Variants in ADD1 observed in about 807,000 individuals in gnomAD.
ADD1 encodes the protein adducin 1.
Under a neutral mutation model 80.5 loss-of-function variants are expected in ADD1, and 24 were observed. The observed-to-expected ratio is 0.30, with a 90% CI of 0.22 to 0.42. The LOEUF is 0.42. Ranked by LOEUF, ADD1 falls within the 10% of genes least tolerant of loss-of-function variation. The probability of loss-of-function intolerance (pLI) is 1.00; values close to 1 mark genes in which losing one functional copy is unlikely to be tolerated. For missense variants in ADD1, 948 were observed against 1,019.0 expected, an observed-to-expected ratio of 0.93 and a Z score of 0.95; for synonymous variants, 373 against 393.8, an observed-to-expected ratio of 0.95 and a Z score of 0.63.
chr4:2,877,063 C>T (rs542669709), intron 2 of ADD1, among the ~76,000 whole-genome samples: 1 of 151,952 alleles, frequency 6.6e-6, no homozygotes, highest in Admixed American at 6.6e-5. Context: ...TTAACAGTAC[C>T]TGCTAATTGA....
chr4:2,848,332 A>AG (rs1289862722), intron 1 of ADD1, among the ~76,000 whole-genome samples: 1 of 152,164 alleles, frequency 6.6e-6, no homozygotes, highest in Non-Finnish European at 1.5e-5. Context: ...TAAAGGAATG[A>AG]GGGGAAGCAC....
Position 2,843,960 on chromosome 4 carries a change from G to A in ADD1, c.-85G>A. The A allele has an allele frequency of 6.5e-6, 1 of 153,360 alleles. No individual in the cohort carries two copies. The highest frequency in any genetic ancestry group is 1.8e-4 in the South Asian group (1 of 5,578). The allele number at this position is 153,360 out of a possible 1,614,324, so 9.5% of individuals were successfully genotyped here. A position where few individuals can be genotyped will look rare whatever the true frequency, so the allele number is the denominator to read the frequency against. ...GGACGGGGGCGGAGCCGGAGCCGGA[G>A]CCGACGGGCGGTGGCCGCACTGGGA... is the stretch of plus-strand genomic sequence containing the variant. On this transcript the variant is annotated 5_prime_UTR_variant, in exon 1 of 16. Coordinates refer to ENST00000683351, the MANE Select transcript of ADD1 (RefSeq NM_001354761.2).
chr4:2,915,103 TGTG>T, intron 14 of ADD1, 63 bp downstream of exon 14: 1 of 1,519,224 alleles, frequency 6.6e-7, no homozygotes, highest in South Asian at 1.3e-5. Flanking sequence ...GGAGCTTCTT[TGTG>T]GTCCAGGTGC....
intron 14 of ADD1, among the ~76,000 whole-genome samples, chr4:2,921,790 G>C (rs1740092901): frequency 6.6e-6 from 1 of 151,986 alleles, no homozygotes; most frequent in South Asian, 2.1e-4. Context: ...TGTAGCTTTG[G>C]TCTTTTCACA....
At chr4:2,928,101 C>A in intron 15 of ADD1, 70 bp from the exon 16 acceptor site, 1 of 1,377,976 alleles carries the variant, frequency 7.3e-7, no homozygotes, top group Non-Finnish European at 1.0e-6. Context: ...GTGTGGGGCT[C>A]CCCCATCTCA....
At chr4:2,874,627 A>G (rs1730979022) in intron 1 of ADD1, among the ~76,000 whole-genome samples, 1 of 151,864 alleles carries the variant, frequency 6.6e-6, no homozygotes, top group Admixed American at 6.6e-5. Context: ...AAAGAAAGAA[A>G]TACTGCCACT....
chr4:2,928,352 A>G lies in ADD1; in HGVS notation c.2229A>G (p.Pro743=). ...CCCCTACTGAGGCCAGCCCCGAGCC[A>G]GCCCCAGACCCAGCCCCGGTGGCTG... is the stretch of plus-strand genomic sequence containing the variant. ...TEAPTEASPE[P]APDPAPVAEE... Residue 743 remains proline (P), a synonymous_variant, in exon 16 of 16, where the codon CCA becomes CCG. Coordinates refer to ENST00000683351, the MANE Select transcript of ADD1 (RefSeq NM_001354761.2). The G allele has an allele frequency of 6.2e-7, 1 of 1,613,686 alleles. No homozygotes were observed. The highest frequency in any genetic ancestry group is 1.1e-5 in the South Asian group (1 of 91,060).
chr4:2,849,939 G>T (rs1726811327), intron 1 of ADD1, among the ~76,000 whole-genome samples: 1 of 152,224 alleles, frequency 6.6e-6, no homozygotes. Flanking sequence ...ACATGAAAGA[G>T]AGAATGTTGT....
chr4:2,917,720 C>T (rs776614983), intron 14 of ADD1, among the ~76,000 whole-genome samples: 1 of 152,134 alleles, frequency 6.6e-6, no homozygotes, highest in Non-Finnish European at 1.5e-5. Context: ...GGAAGGGGTC[C>T]AGTTTCAGTT....
chr4:2,900,024 C>G (rs761320449), intron 9 of ADD1: 1 of 154,864 alleles, frequency 6.5e-6, no homozygotes. Flanking sequence ...ACAGGGTTGC[C>G]GTGAAGAATT....
intron 10 of ADD1, among the ~76,000 whole-genome samples, chr4:2,906,018 C>T (rs1308532380): frequency 6.6e-6 from 1 of 152,222 alleles, no homozygotes; most frequent in African/African-American, 2.4e-5. Context: ...ATGACTAGTT[C>T]ATTAGGAGTT....
chr4:2,861,275 A>G lies in ADD1; in HGVS notation c.-20-14621A>G, dbSNP rs142960326. Among the ~76,000 whole-genome samples the G allele has an allele frequency of 4.6e-5, 7 of 152,242 alleles. No homozygotes were observed. The East Asian group carries it at 1.4e-3, about 29-fold the overall frequency. ...TATTGGGGTCAAGAGTGCAGATTTTATTCTAGGGACTGTGGGAAGCCATTG... is the reference window on the plus strand; with the variant it reads ...TATTGGGGTCAAGAGTGCAGATTTTGTTCTAGGGACTGTGGGAAGCCATTG... On this transcript the variant is annotated intron_variant, in intron 1 of 15. Transcript: ENST00000683351.
chr4:2,891,401 C>T (rs1023625917), intron 4 of ADD1, among the ~76,000 whole-genome samples: 4 of 151,712 alleles, frequency 2.6e-5, no homozygotes, highest in Admixed American at 2.0e-4. Flanking sequence ...GAGCTGAGAT[C>T]GTGCCCCTGC....
At position 2,928,400 on chromosome 4, in the gene ADD1, C is replaced by G. The variant is rs200759802; in HGVS notation, c.2277C>G (p.Val759=). The G allele has an allele frequency of 6.2e-7, 1 of 1,613,080 alleles. No individual in the cohort carries two copies. The highest frequency in any genetic ancestry group is 8.5e-7 in the Non-Finnish European group (1 of 1,179,904). The change falls in exon 16 of 16, where the codon GTC becomes GTG. Residue 759 remains valine, a synonymous_variant. Transcript: ENST00000683351. The stretch of plus-strand genomic sequence containing the variant: ...CTGAAGAGGCTGCCCCCTCAGCTGT[C>G]GAGGAGGGGGCCGCCGCGGACCCTG... ...PVAEEAAPSA[V]EEGAAADPGS... is the part of the protein sequence containing the mutation.
intron 2 of ADD1, 154 bp from the exon 3 acceptor site, chr4:2,881,744 A>G: frequency 2.0e-6 from 1 of 494,730 alleles, no homozygotes; most frequent in Non-Finnish European, 3.5e-6. Flanking sequence ...AGAATGTACC[A>G]GTTTATATTC....
rs548056214 is a variant in ADD1, at chr4:2,852,128, A to G, written c.-21+8104A>G. Among the ~76,000 whole-genome samples, 164 of 140,534 alleles carry G rather than the reference A, an allele frequency of 1.2e-3. 1 individual carries two copies. Among genetic ancestry groups the G allele is most frequent in the Admixed American group, 3.8e-3 (54 of 14,302 alleles). 92.2% of individuals were successfully genotyped at this position (140,534 alleles called of 152,430 possible). ...TGGGATTACAGGCATGAGCCACAGC[A>G]CCCGGCCTCTTTTCTTTCTTTCTTT... On this transcript the variant is annotated intron_variant, in intron 1 of 15. Transcript: ENST00000683351.
chr4:2,910,520 T>C (rs955563949), intron 13 of ADD1, among the ~76,000 whole-genome samples: 1 of 152,226 alleles, frequency 6.6e-6, no homozygotes, highest in Non-Finnish European at 1.5e-5. Context: ...TTTTCATCTT[T>C]TGGCACTTTG....
intron 10 of ADD1, among the ~76,000 whole-genome samples, chr4:2,906,096 T>TC (rs1737008613): frequency 6.6e-6 from 1 of 152,224 alleles, no homozygotes; most frequent in South Asian, 2.1e-4. Flanking sequence ...GGCTTTCTTT[T>TC]CCCCTTGTAA....
At chr4:2,868,632 G>A (rs1729927998) in intron 1 of ADD1, among the ~76,000 whole-genome samples, 1 of 152,336 alleles carries the variant, frequency 6.6e-6, no homozygotes, top group Non-Finnish European at 1.5e-5. Context: ...CCCCTGCTAT[G>A]TATGACACAC....
Sources: gnomAD v4.1 joint callset for allele counts (sites outside exome capture counted in the v4.1 genomes callset) on GRCh38, gnomAD v4.1.1 for gene constraint, MANE v1.5 for transcripts, NCBI Gene and HGNC (gene_info 2026-07-23, HGNC 2026-07-21) for gene names.